DCC: variants seen among roughly 807,000 people sequenced by gnomAD.
DCC encodes netrin receptor DCC.
A neutral mutation model predicts 172.5 loss-of-function variants in DCC; 58 were observed. The observed-to-expected ratio is 0.34, with a 90% CI of 0.27 to 0.42. The LOEUF is 0.42. Ranked by LOEUF, DCC falls within the 10% of genes least tolerant of loss-of-function variation. The pLI is 1.00. For missense variants in DCC, 1,740 were observed against 1,791.0 expected (o/e 0.97, Z 0.51); for synonymous variants, 709 against 644.5 (o/e 1.10, Z -1.52).
At chr18:52,451,674 G>A (rs1398072782) in intron 1 of DCC, among the ~76,000 whole-genome samples, 1 of 151,994 alleles carries the variant, frequency 6.6e-6, no homozygotes, top group Non-Finnish European at 1.5e-5. Flanking sequence ...AAGTGTGTGG[G>A]CGTGTGTGTG....
rs372751108 is a variant in DCC at position 52,449,387 on chromosome 18, A to G, written c.91+108509A>G. 8.5e-5 allele frequency among the ~76,000 whole-genome samples: 13 copies of G among 152,366 alleles called. No individual in the cohort carries two copies. The East Asian group carries it at 2.3e-3, about 27-fold the overall frequency. Reference sequence around the variant, plus strand: ...TAGACAAGATTGTGAACACAGTTTCAGGGATTTGCAGATACCCTGAAAGAT... The same window carrying G: ...TAGACAAGATTGTGAACACAGTTTCGGGGATTTGCAGATACCCTGAAAGAT... On this transcript the variant is annotated intron_variant, in intron 1 of 28. Transcript: ENST00000442544.
intron 25 of DCC, among the ~76,000 whole-genome samples, chr18:53,472,016 G>A (rs1454964320): frequency 6.6e-6 from 1 of 152,110 alleles, no homozygotes; most frequent in Non-Finnish European, 1.5e-5. Context: ...TGGTAGGCAT[G>A]CACTCAATAC....
intron 20 of DCC, among the ~76,000 whole-genome samples, chr18:53,414,571 G>T (rs11872422): frequency 2.0e-4 from 30 of 152,000 alleles, no homozygotes; most frequent in African/African-American, 7.2e-4. Flanking sequence ...AACATTGGCC[G>T]GGCGTGGTGG....
At chr18:52,580,722 C>A (rs2033525479) in intron 1 of DCC, among the ~76,000 whole-genome samples, 1 of 152,118 alleles carries the variant, frequency 6.6e-6, no homozygotes, top group Admixed American at 6.6e-5. Context: ...CTGTTATTGA[C>A]GTTGTTGTCA....
intron 7 of DCC, among the ~76,000 whole-genome samples, chr18:53,102,451 A>T (rs1179150121): frequency 6.6e-6 from 1 of 152,050 alleles, no homozygotes; most frequent in Non-Finnish European, 1.5e-5. Flanking sequence ...TCTGTTTCCA[A>T]ACTCTGCAAG....
intron 7 of DCC, among the ~76,000 whole-genome samples, chr18:53,148,574 G>A (rs986137947): frequency 2.0e-5 from 3 of 152,162 alleles, no homozygotes; most frequent in South Asian, 2.1e-4. Context: ...GATTAAAGGT[G>A]GCCTCACAAA....
rs756489616 is a variant in DCC at position 53,205,293 on chromosome 18, C to T, written c.1651C>T (p.Pro551Ser). ...PTSILITWEP[P>S]AYANGPVQGY... ...CTCAATTCTTATTACCTGGGAACCC[C>T]CTGCCTATGCAAACGGTCCAGTCCA... The change falls in exon 10 of 29, where the codon CCT becomes TCT. Residue 551 changes from proline (P) to serine (S), a missense_variant. Coordinates refer to ENST00000442544, the MANE Select transcript of DCC (RefSeq NM_005215.4). The T allele has an allele frequency of 2.7e-5, 44 of 1,613,790 alleles. No homozygotes were observed. The Admixed American group carries it at 7.2e-4, about 26-fold the overall frequency.
rs921802665 is a variant in DCC, at chr18:52,907,407, C to G, written c.697+1079C>G. Among the ~76,000 whole-genome samples, 5 of 146,220 alleles carry G rather than the reference C, an allele frequency of 3.4e-5. No individual in the cohort carries two copies. The East Asian group carries it at 1.0e-3, about 30-fold the overall frequency. ...TGATATATGTCATGTATATATACAT[C>G]ATATCATTCATATATACATATTTTT... On this transcript the variant is annotated intron_variant, in intron 3 of 28. Coordinates refer to ENST00000442544, the MANE Select transcript of DCC (RefSeq NM_005215.4).
intron 5 of DCC, among the ~76,000 whole-genome samples, chr18:52,966,348 G>A (rs533148425): frequency 1.3e-5 from 2 of 152,102 alleles, no homozygotes; most frequent in East Asian, 1.9e-4. Context: ...AATAATTTTT[G>A]TACTGTTTTT....
At chr18:53,524,570 A>AT (rs2046434464) in intron 27 of DCC, among the ~76,000 whole-genome samples, 1 of 152,108 alleles carries the variant, frequency 6.6e-6, no homozygotes, top group Admixed American at 6.6e-5. Context: ...ATATATTTTA[A>AT]AAATATTGGA....
At chr18:52,380,726 T>C (rs1458180767) in intron 1 of DCC, among the ~76,000 whole-genome samples, 2 of 152,170 alleles carry the variant, frequency 1.3e-5, no homozygotes, top group Non-Finnish European at 2.9e-5. Context: ...AAACAACTGG[T>C]AAGATCCATT....
chr18:52,880,349 T>C (rs2039465598), intron 2 of DCC, among the ~76,000 whole-genome samples: 1 of 152,196 alleles, frequency 6.6e-6, no homozygotes, highest in African/African-American at 2.4e-5. Context: ...GGTTTCACCA[T>C]GTTGGCCAGG....
intron 1 of DCC, among the ~76,000 whole-genome samples, chr18:52,360,766 A>C (rs1234825436): frequency 6.6e-6 from 1 of 152,196 alleles, no homozygotes; most frequent in Non-Finnish European, 1.5e-5. Context: ...TTTTTTGGGG[A>C]GGACAATTTT....
intron 2 of DCC, among the ~76,000 whole-genome samples, chr18:52,755,783 G>A (rs935499334): frequency 3.9e-5 from 6 of 152,146 alleles, no homozygotes; most frequent in African/African-American, 1.4e-4. Flanking sequence ...ATTAAATAAT[G>A]TCCCTCTTCC....
rs145087939 is a variant in DCC at position 53,274,012 on chromosome 18, T to C, written c.1912-31566T>C. 1.3e-3 allele frequency among the ~76,000 whole-genome samples: 197 copies of C among 152,162 alleles called. 3 individuals carry two copies. Among genetic ancestry groups the C allele is most frequent in the Admixed American group, 5.7e-3 (87 of 15,270 alleles). ...AGCAGTGTGGAAAAGAGAAGCATCA[T>C]TGACAAGCAGCAAGATACATTTAAA... On this transcript the variant is annotated intron_variant, in intron 12 of 28. Transcript: ENST00000442544.
At chr18:53,220,889 G>T (rs2055921723) in intron 12 of DCC, among the ~76,000 whole-genome samples, 1 of 152,102 alleles carries the variant, frequency 6.6e-6, no homozygotes, top group Admixed American at 6.6e-5. Flanking sequence ...GAGCATAATT[G>T]TAAGGAAGGC....
At chr18:52,409,051 A>G (rs1986753561) in intron 1 of DCC, 1 of 152,134 alleles carries the variant, frequency 6.6e-6, no homozygotes. Context: ...AGCACAAAGC[A>G]CTTCTTGTTA....
intron 5 of DCC, among the ~76,000 whole-genome samples, chr18:52,963,234 T>G (rs1215955649): frequency 6.6e-6 from 1 of 151,886 alleles, no homozygotes; most frequent in African/African-American, 2.4e-5. Context: ...AATTTTTATC[T>G]AAAGATCTTT....
chr18:53,097,248 G>A (rs9948463), intron 7 of DCC, among the ~76,000 whole-genome samples: 14,709 of 152,184 alleles, frequency 0.097, 1,145 homozygotes, highest in East Asian at 0.36. Context: ...ATTGAAAGGT[G>A]TAAATTGAGT....
Sources: allele counts gnomAD v4.1 joint callset (sites outside exome capture counted in the v4.1 genomes callset), GRCh38; gene constraint gnomAD v4.1.1; transcripts MANE v1.5; gene names NCBI Gene and HGNC (gene_info 2026-07-23, HGNC 2026-07-21).